SLC35F3: variants seen among roughly 807,000 people sequenced by gnomAD.
SLC35F3 encodes the protein putative thiamine transporter SLC35F3.
A neutral mutation model predicts 49.9 loss-of-function variants in SLC35F3; 25 were observed. That is an observed-to-expected ratio of 0.50 (90% CI 0.37 to 0.70). The LOEUF (loss-of-function observed/expected upper bound fraction) is 0.70, where lower values mean the gene tolerates loss of function less well. SLC35F3 is among the 30% of genes least tolerant of loss of function. The probability of loss-of-function intolerance (pLI) is 0.00; values close to 1 mark genes in which losing one functional copy is unlikely to be tolerated. For missense variants in SLC35F3, 525 were observed against 639.8 expected (o/e 0.82, Z 1.94); for synonymous variants, 275 against 265.4 (o/e 1.04, Z -0.35).
intron 2 of SLC35F3, among the ~76,000 whole-genome samples, chr1:234,011,455 G>A (rs1296238123): frequency 6.6e-6 from 1 of 152,024 alleles, no homozygotes; most frequent in Admixed American, 6.5e-5. Context: ...GTTTATTCCA[G>A]TTAAGGGTCA....
intron 3 of SLC35F3, among the ~76,000 whole-genome samples, chr1:234,244,554 TC>T (rs1667601669): frequency 6.6e-6 from 1 of 151,920 alleles, no homozygotes; most frequent in Non-Finnish European, 1.5e-5. Flanking sequence ...GATAAACTAA[TC>T]CTATTCAGAA....
At chr1:234,011,670 A>G (rs72753799) in intron 2 of SLC35F3, among the ~76,000 whole-genome samples, 60 of 152,336 alleles carry the variant, frequency 3.9e-4, no homozygotes, top group Admixed American at 1.4e-3. Context: ...ATCCACGTAG[A>G]CATGGAGACA....
chr1:234,232,348 G>A lies in SLC35F3; in HGVS notation c.608+607G>A, dbSNP rs138149342. 3.1e-4 allele frequency among the ~76,000 whole-genome samples: 47 copies of A among 151,920 alleles called. 1 individual carries two copies. Among genetic ancestry groups the A allele is most frequent in the African/African-American group, 9.9e-4 (41 of 41,458 alleles). ...CTTTCAAAAAGAGGCCAGAAACCCT[G>A]ACCTCAACCCCTACCTCAGTATGCA... On this transcript the variant is annotated intron_variant, in intron 3 of 7. Coordinates refer to ENST00000366618, the MANE Select transcript of SLC35F3 (RefSeq NM_173508.4).
chr1:233,970,365 C>T (rs113908005), intron 2 of SLC35F3, among the ~76,000 whole-genome samples: 10 of 152,316 alleles, frequency 6.6e-5, no homozygotes, highest in African/African-American at 1.9e-4. Context: ...GATCAGACCT[C>T]GAGTCTCACC....
intron 3 of SLC35F3, among the ~76,000 whole-genome samples, chr1:234,239,815 T>C (rs191064185): frequency 1.4e-3 from 217 of 152,296 alleles, no homozygotes; most frequent in African/African-American, 4.9e-3. Flanking sequence ...TCTCTTCCTT[T>C]ATTTGGCAAC....
intron 2 of SLC35F3, among the ~76,000 whole-genome samples, chr1:234,056,005 G>A (rs1307120497): frequency 1.3e-5 from 2 of 152,088 alleles, no homozygotes; most frequent in Non-Finnish European, 2.9e-5. Context: ...ATATTGTCCT[G>A]TAACTTTGTA....
intron 2 of SLC35F3, among the ~76,000 whole-genome samples, chr1:233,933,714 A>T (rs1221570867): frequency 1.3e-5 from 2 of 152,068 alleles, no homozygotes; most frequent in African/African-American, 2.4e-5. Flanking sequence ...GGTGACATGC[A>T]CCTGTAATCC....
Position 234,108,726 on chromosome 1 carries a change from A to AT in SLC35F3, c.284-122691_284-122690insT, listed in dbSNP as rs1558231794. ...ATTATATATATAAAAGATATATATA[A>AT]ATATATATATCTTTTATATATAAAA... On this transcript the variant is annotated intron_variant, in intron 2 of 7. Coordinates refer to ENST00000366618, the MANE Select transcript of SLC35F3 (RefSeq NM_173508.4). Among the ~76,000 whole-genome samples the AT allele has an allele frequency of 6.9e-5, 5 of 72,168 alleles. 1 individual carries two copies. Among genetic ancestry groups the AT allele is most frequent in the Non-Finnish European group, 1.3e-4 (5 of 39,886 alleles). The allele number at this position is 72,168 out of a possible 152,430, so 47.3% of individuals were successfully genotyped here. A position where few individuals can be genotyped will look rare whatever the true frequency, so the allele number is the denominator to read the frequency against.
chr1:234,102,768 G>C (rs931861205), intron 2 of SLC35F3, among the ~76,000 whole-genome samples: 1 of 152,202 alleles, frequency 6.6e-6, no homozygotes, highest in African/African-American at 2.4e-5. Flanking sequence ...TGCCCAAGCA[G>C]CTGCCGGCTT....
chr1:234,306,874 T>A (rs1294242052), intron 3 of SLC35F3, among the ~76,000 whole-genome samples: 1 of 152,224 alleles, frequency 6.6e-6, no homozygotes, highest in African/African-American at 2.4e-5. Context: ...GAAGATGAAT[T>A]GTTTTTCATG....
At chr1:234,292,352 C>G (rs1056188028) in intron 3 of SLC35F3, among the ~76,000 whole-genome samples, 1 of 152,208 alleles carries the variant, frequency 6.6e-6, no homozygotes, top group Non-Finnish European at 1.5e-5. Context: ...TTTTGACTCC[C>G]TTGACCCACT....
intron 2 of SLC35F3, among the ~76,000 whole-genome samples, chr1:234,047,361 G>A (rs967579976): frequency 1.3e-5 from 2 of 152,190 alleles, no homozygotes; most frequent in African/African-American, 4.8e-5. Flanking sequence ...AGTAGACTGA[G>A]TAAAGCAGAT....
intron 3 of SLC35F3, among the ~76,000 whole-genome samples, chr1:234,290,070 A>G (rs943734485): frequency 6.6e-6 from 1 of 152,270 alleles, no homozygotes; most frequent in Non-Finnish European, 1.5e-5. Flanking sequence ...GAGTTAAGCT[A>G]TAAACCAGAC....
chr1:234,317,123 T>C lies in SLC35F3; in HGVS notation c.954+396T>C, dbSNP rs192144001. ...GAATATCTGGTGCAGCTTTGTCATG[T>C]AAATCTTTGCCCACACAGTTTTTGC... On this transcript the variant is annotated intron_variant, in intron 5 of 7. Transcript: ENST00000366618. Among the ~76,000 whole-genome samples the C allele has an allele frequency of 3.8e-4, 58 of 152,352 alleles. No individual in the cohort carries two copies. In the East Asian group the frequency reaches 5.0e-3, roughly 13 times the overall value.
At chr1:234,292,844 G>A (rs1383082055) in intron 3 of SLC35F3, among the ~76,000 whole-genome samples, 2 of 152,168 alleles carry the variant, frequency 1.3e-5, no homozygotes, top group African/African-American at 2.4e-5. Flanking sequence ...CCAGGCCTGG[G>A]CCTCTCCTCC....
At chr1:234,055,116 G>A (rs1467873881) in intron 2 of SLC35F3, among the ~76,000 whole-genome samples, 1 of 152,194 alleles carries the variant, frequency 6.6e-6, no homozygotes, top group African/African-American at 2.4e-5. Flanking sequence ...GAGGCAGTCT[G>A]TAGGTTCTCA....
At chr1:234,151,254 A>C in intron 2 of SLC35F3, among the ~76,000 whole-genome samples, 1 of 141,904 alleles carries the variant, frequency 7.0e-6, no homozygotes, top group East Asian at 4.3e-4. Flanking sequence ...TACATAAACT[A>C]TCAGAAAAAA....
intron 2 of SLC35F3, among the ~76,000 whole-genome samples, chr1:234,120,370 T>C (rs1418771538): frequency 6.6e-6 from 1 of 152,228 alleles, no homozygotes; most frequent in Admixed American, 6.5e-5. Flanking sequence ...ATAATAGCAA[T>C]AATAGCAGAT....
chr1:234,181,963 A>C (rs1023911523), intron 2 of SLC35F3, among the ~76,000 whole-genome samples: 1 of 152,136 alleles, frequency 6.6e-6, no homozygotes, highest in Admixed American at 6.5e-5. Context: ...CTTTTTACTA[A>C]CTGGAAAACT....
Sources: allele counts gnomAD v4.1 joint callset (sites outside exome capture counted in the v4.1 genomes callset), GRCh38; gene constraint gnomAD v4.1.1; transcripts MANE v1.5; gene names NCBI Gene and HGNC (gene_info 2026-07-23, HGNC 2026-07-21).